ITGBL1: variants seen among roughly 807,000 people sequenced by gnomAD.
The protein encoded by ITGBL1 is integrin beta-like protein 1.
ITGBL1 carries 51 observed loss-of-function variants against 68.5 expected under a neutral mutation model. That is an observed-to-expected ratio of 0.74 (90% CI 0.59 to 0.94). The LOEUF is 0.94. Ranked by LOEUF, ITGBL1 falls within the 40% of genes least tolerant of loss-of-function variation. The pLI is 0.00. For missense variants in ITGBL1, 649 were observed against 647.4 expected, an observed-to-expected ratio of 1.00 and a Z score of -0.03; for synonymous variants, 209 against 227.3, an observed-to-expected ratio of 0.92 and a Z score of 0.72.
At chr13:101,541,675 A>C (rs2049705843) in intron 2 of ITGBL1, among the ~76,000 whole-genome samples, 1 of 152,090 alleles carries the variant, frequency 6.6e-6, no homozygotes, top group Non-Finnish European at 1.5e-5. Context: ...CTGTGAATCC[A>C]TCTGGTCCTG....
intron 7 of ITGBL1, among the ~76,000 whole-genome samples, chr13:101,663,490 T>A (rs979025349): frequency 6.6e-6 from 1 of 152,204 alleles, no homozygotes; most frequent in Admixed American, 6.6e-5. Context: ...ATCACAGTGC[T>A]TGGCCCATAC....
At chr13:101,630,511 T>C (rs1048705859) in intron 7 of ITGBL1, among the ~76,000 whole-genome samples, 26 of 152,282 alleles carry the variant, frequency 1.7e-4, no homozygotes, top group African/African-American at 6.0e-4. Context: ...CATTGAGACC[T>C]GGTTTTAGGT....
chr13:101,532,442 A>G (rs536649539), intron 2 of ITGBL1, among the ~76,000 whole-genome samples: 2 of 152,338 alleles, frequency 1.3e-5, no homozygotes, highest in Middle Eastern at 3.4e-3. Flanking sequence ...TTTGGAATTC[A>G]GCATGAGTAT....
At chr13:101,616,565 A>G (rs2139377974) in intron 7 of ITGBL1, among the ~76,000 whole-genome samples, 1 of 151,784 alleles carries the variant, frequency 6.6e-6, no homozygotes, top group East Asian at 1.9e-4. Flanking sequence ...ATCTCAGCTC[A>G]CTCCAGCCTC....
intron 2 of ITGBL1, among the ~76,000 whole-genome samples, chr13:101,457,709 G>C (rs9557657): frequency 0.14 from 20,991 of 152,006 alleles, 1,805 homozygotes; most frequent in East Asian, 0.38. Flanking sequence ...CCAGCTACTC[G>C]GGAGGCTGAG....
intron 2 of ITGBL1, among the ~76,000 whole-genome samples, chr13:101,487,010 A>G (rs1164792202): frequency 6.6e-6 from 1 of 152,224 alleles, no homozygotes; most frequent in Non-Finnish European, 1.5e-5. Flanking sequence ...GTCAATAATA[A>G]CAAAATTTTA....
intron 2 of ITGBL1, among the ~76,000 whole-genome samples, chr13:101,489,515 T>C (rs1406545107): frequency 1.3e-5 from 2 of 152,190 alleles, no homozygotes; most frequent in African/African-American, 4.8e-5. Context: ...TAGTTCCCCT[T>C]AAATGCTTTG....
At position 101,675,510 on chromosome 13, in the gene ITGBL1, G is replaced by T. The variant is rs564465921; in HGVS notation, c.1016-17075G>T. On this transcript the variant is annotated intron_variant, in intron 7 of 10. Transcript: ENST00000376180. ...GTCTTGTACATAGCCTTCCCTTTGT[G>T]TCTTCACATGATCTCTTCTCTTTAA... Among the ~76,000 whole-genome samples, 3 of 152,176 alleles carry T rather than the reference G, an allele frequency of 2.0e-5. No individual in the cohort carries two copies. In the East Asian group the frequency reaches 5.8e-4, roughly 29 times the overall value.
rs991972154 is a variant in ITGBL1, at chr13:101,518,238, T to C, written c.317-49461T>C. On this transcript the variant is annotated intron_variant, in intron 2 of 10. Coordinates refer to ENST00000376180, the MANE Select transcript of ITGBL1 (RefSeq NM_004791.3). Reference sequence around the variant, plus strand: ...TCAATTATAAGGAACCATAAAATCATGCATTTTTGTCCTGAAGGAACTTTT... The same window carrying C: ...TCAATTATAAGGAACCATAAAATCACGCATTTTTGTCCTGAAGGAACTTTT... Among the ~76,000 whole-genome samples the C allele has an allele frequency of 2.6e-5, 4 of 152,318 alleles. No homozygotes were observed. In the South Asian group the frequency reaches 8.3e-4, roughly 32 times the overall value.
intron 8 of ITGBL1, among the ~76,000 whole-genome samples, chr13:101,695,025 T>C (rs2033970650): frequency 6.6e-6 from 1 of 152,162 alleles, no homozygotes; most frequent in Non-Finnish European, 1.5e-5. Flanking sequence ...CTGGAGCTTA[T>C]GGTTGAGCGT....
intron 7 of ITGBL1, among the ~76,000 whole-genome samples, chr13:101,652,292 C>A (rs1204039154): frequency 6.6e-6 from 1 of 151,796 alleles, no homozygotes; most frequent in Non-Finnish European, 1.5e-5. Flanking sequence ...CAGGTGCATG[C>A]CACCACACCT....
intron 2 of ITGBL1, among the ~76,000 whole-genome samples, chr13:101,470,663 A>G (rs1453570192): frequency 6.6e-6 from 1 of 152,146 alleles, no homozygotes; most frequent in African/African-American, 2.4e-5. Context: ...TTGAAGAACA[A>G]CTAATGAATG....
intron 7 of ITGBL1, among the ~76,000 whole-genome samples, chr13:101,673,289 C>T (rs1338319301): frequency 2.0e-5 from 3 of 152,130 alleles, no homozygotes; most frequent in African/African-American, 7.2e-5. Flanking sequence ...CTGTCATGCC[C>T]ATCCTAAATA....
chr13:101,659,721 A>G (rs1364594523), intron 7 of ITGBL1, among the ~76,000 whole-genome samples: 2 of 152,156 alleles, frequency 1.3e-5, no homozygotes, highest in African/African-American at 4.8e-5. Context: ...TCAGCCTCCC[A>G]AAGTGCTGGG....
chr13:101,591,247 C>T (rs965855669), intron 6 of ITGBL1, among the ~76,000 whole-genome samples: 8 of 152,164 alleles, frequency 5.3e-5, no homozygotes, highest in African/African-American at 9.7e-5. Flanking sequence ...AGCCATAGAA[C>T]CCAACAACCT....
chr13:101,604,873 T>TACACACAC (rs1469800995), intron 7 of ITGBL1, among the ~76,000 whole-genome samples: 1 of 20,114 alleles, frequency 5.0e-5, no homozygotes, highest in East Asian at 2.5e-3. Flanking sequence ...TATATATATA[T>TACACACAC]ATATATATAT....
At chr13:101,574,978 T>C (rs991944217) in intron 3 of ITGBL1, among the ~76,000 whole-genome samples, 7 of 152,304 alleles carry the variant, frequency 4.6e-5, no homozygotes, top group Non-Finnish European at 2.9e-5. Context: ...TTTCCACAAA[T>C]ATTTATTATA....
chr13:101,600,746 A>T (rs2030318331), intron 7 of ITGBL1, among the ~76,000 whole-genome samples: 1 of 152,142 alleles, frequency 6.6e-6, no homozygotes, highest in Non-Finnish European at 1.5e-5. Context: ...ACAGTTATTG[A>T]TTTGCATATG....
intron 2 of ITGBL1, among the ~76,000 whole-genome samples, chr13:101,544,984 G>T (rs2049792535): frequency 6.6e-6 from 1 of 152,180 alleles, no homozygotes; most frequent in African/African-American, 2.4e-5. Flanking sequence ...GGAATTCCCT[G>T]ACCCCTTGTG....
Sources: allele counts gnomAD v4.1 joint callset (sites outside exome capture counted in the v4.1 genomes callset), GRCh38; gene constraint gnomAD v4.1.1; transcripts MANE v1.5; gene names NCBI Gene and HGNC (gene_info 2026-07-23, HGNC 2026-07-21).